Variants in PDCD1LG2 observed in about 807,000 individuals in gnomAD.
The protein encoded by PDCD1LG2 is programmed cell death 1 ligand 2.
PDCD1LG2 carries 32 observed loss-of-function variants against 28.2 expected under a neutral mutation model. The observed-to-expected ratio is 1.13, with a 90% confidence interval of 0.86 to 1.52. PDCD1LG2 has a LOEUF of 1.52. Among genes scored for constraint, PDCD1LG2 ranks in the 40% most tolerant of loss-of-function variants. PDCD1LG2 has a pLI of 0.00. For missense variants in PDCD1LG2, 385 were observed against 323.8 expected (o/e 1.19, Z -1.45); for synonymous variants, 116 against 120.2 (o/e 0.97, Z 0.23).
chr9:5,528,303 TA>T (rs1337066184), intron 2 of PDCD1LG2, among the ~76,000 whole-genome samples: 7 of 149,344 alleles, frequency 4.7e-5, no homozygotes, highest in Non-Finnish European at 8.9e-5. Context: ...CACACACACA[TA>T]TTTTTTTCTT....
In PDCD1LG2 at chr9:5,525,739, G is replaced by T. The variant is rs139826585; in HGVS notation, c.55+3138G>T. On this transcript the variant is annotated intron_variant, in intron 2 of 6. Coordinates refer to ENST00000397747, the MANE Select transcript of PDCD1LG2 (RefSeq NM_025239.4). ...ATTGCTTAAGCATACCTTATATATA[G>T]AAGATAAAGCTTAAAAAGTAAAGAA... 2.8e-4 allele frequency among the ~76,000 whole-genome samples: 42 copies of T among 152,052 alleles called. 1 individual carries two copies. Among genetic ancestry groups the T allele is most frequent in the Admixed American group, 2.2e-3 (34 of 15,278 alleles).
rs770505980 is a variant in PDCD1LG2, at chr9:5,549,591, C to T, written c.618C>T (p.Ser206=). The part of the protein sequence containing the change: ...NTHVRELTLA[S]IDLQSQMEPR... ...ACGTGAGGGAACTTACTTTGGCCAG[C>T]ATTGACCTTCAAAGTAAGAGCTGCC... The change falls in exon 4 of 7, where the codon AGC becomes AGT. Residue 206 remains serine, a synonymous_variant. Coordinates refer to ENST00000397747, the MANE Select transcript of PDCD1LG2 (RefSeq NM_025239.4). 28 of 1,614,076 alleles carry T rather than the reference C, an allele frequency of 1.7e-5. No individual in the cohort carries two copies. The highest frequency in any genetic ancestry group is 1.6e-4 in the Middle Eastern group (1 of 6,084).
At chr9:5,555,235 G>A (rs1419023616) in intron 4 of PDCD1LG2, among the ~76,000 whole-genome samples, 1 of 152,078 alleles carries the variant, frequency 6.6e-6, no homozygotes, top group Non-Finnish European at 1.5e-5. Flanking sequence ...GGCTAACATG[G>A]TGAAACCCCG....
intron 4 of PDCD1LG2, among the ~76,000 whole-genome samples, chr9:5,555,531 G>C (rs916117845): frequency 1.3e-5 from 2 of 152,174 alleles, no homozygotes; most frequent in African/African-American, 4.8e-5. Context: ...ATAATGAAGA[G>C]ACCTCGAAAT....
chr9:5,522,498 C>A (rs775245304), intron 1 of PDCD1LG2, 35 bp from the exon 2 acceptor site: 3 of 1,546,866 alleles, frequency 1.9e-6, no homozygotes, highest in South Asian at 2.3e-5. Flanking sequence ...AGCAAAGTTT[C>A]ACAAGGCCCT....
At chr9:5,545,910 T>C (rs775417756) in intron 3 of PDCD1LG2, among the ~76,000 whole-genome samples, 1 of 152,210 alleles carries the variant, frequency 6.6e-6, no homozygotes, top group Non-Finnish European at 1.5e-5. Context: ...ATAAGTCAGA[T>C]GACTTGAATT....
chr9:5,535,804 G>A (rs1298803105), intron 3 of PDCD1LG2, among the ~76,000 whole-genome samples: 2 of 152,102 alleles, frequency 1.3e-5, no homozygotes, highest in Non-Finnish European at 2.9e-5. Context: ...TGGATTCAGG[G>A]ATCTCTCCAC....
intron 4 of PDCD1LG2, among the ~76,000 whole-genome samples, chr9:5,553,368 C>T (rs1175509276): frequency 6.6e-6 from 1 of 152,094 alleles, no homozygotes; most frequent in African/African-American, 2.4e-5. Context: ...CCCACGAGAA[C>T]TTTTTTCCCC....
chr9:5,518,290 T>C (rs1192815608), intron 1 of PDCD1LG2, among the ~76,000 whole-genome samples: 1 of 152,228 alleles, frequency 6.6e-6, no homozygotes, highest in Non-Finnish European at 1.5e-5. Context: ...AGGAAGCTGC[T>C]GGTTGGAAAG....
chr9:5,527,429 G>T (rs189080799), intron 2 of PDCD1LG2, among the ~76,000 whole-genome samples: 1 of 152,082 alleles, frequency 6.6e-6, no homozygotes. Flanking sequence ...TTTGTATCTG[G>T]CTTCTTTCAC....
At chr9:5,563,298 A>G (rs532740284) in intron 6 of PDCD1LG2, 87 bp downstream of exon 6, 16 of 1,151,218 alleles carry the variant, frequency 1.4e-5, no homozygotes, top group Non-Finnish European at 1.9e-5. Flanking sequence ...CTATTAATTC[A>G]TGGAAGGCAA....
At chr9:5,539,987 G>GTA (rs111579428) in intron 3 of PDCD1LG2, among the ~76,000 whole-genome samples, 13 of 152,212 alleles carry the variant, frequency 8.5e-5, no homozygotes, top group African/African-American at 2.4e-4. Flanking sequence ...AGACTATATA[G>GTA]TAGGCCACAA....
At chr9:5,560,528 T>C (rs567942825) in intron 5 of PDCD1LG2, among the ~76,000 whole-genome samples, 1 of 152,174 alleles carries the variant, frequency 6.6e-6, no homozygotes, top group Admixed American at 6.5e-5. Flanking sequence ...TGCTCTGTCA[T>C]TGGTCCCAAA....
At chr9:5,527,319 C>G (rs1820399179) in intron 2 of PDCD1LG2, among the ~76,000 whole-genome samples, 1 of 152,202 alleles carries the variant, frequency 6.6e-6, no homozygotes, top group South Asian at 2.1e-4. Flanking sequence ...AAAAGCTTCA[C>G]CCAAGTCTTA....
chr9:5,531,588 G>T (rs1213783699), intron 2 of PDCD1LG2, among the ~76,000 whole-genome samples: 1 of 152,162 alleles, frequency 6.6e-6, no homozygotes, highest in Non-Finnish European at 1.5e-5. Context: ...GGAAGAAAAT[G>T]GACTTTTATC....
chr9:5,554,507 G>A (rs368156152), intron 4 of PDCD1LG2, among the ~76,000 whole-genome samples: 20 of 152,274 alleles, frequency 1.3e-4, no homozygotes, highest in Middle Eastern at 3.4e-3. Flanking sequence ...AAGCTTCTCC[G>A]GAAGTCAATG....
chr9:5,559,658 T>C (rs904286236), intron 5 of PDCD1LG2, among the ~76,000 whole-genome samples: 6 of 152,198 alleles, frequency 3.9e-5, no homozygotes, highest in African/African-American at 1.2e-4. Flanking sequence ...TACAGAGAAA[T>C]CTTCCTAACT....
intron 2 of PDCD1LG2, among the ~76,000 whole-genome samples, chr9:5,530,505 A>G (rs562742339): frequency 6.6e-6 from 1 of 151,920 alleles, no homozygotes; most frequent in Non-Finnish European, 1.5e-5. Context: ...TCATGGATGT[A>G]GTGTACACAT....
intron 6 of PDCD1LG2, among the ~76,000 whole-genome samples, chr9:5,566,819 T>C (rs1489512779): frequency 6.6e-6 from 1 of 152,164 alleles, no homozygotes; most frequent in Non-Finnish European, 1.5e-5. Context: ...AAATACTTTC[T>C]ATATAATAAA....
Sources: allele counts gnomAD v4.1 joint callset (sites outside exome capture counted in the v4.1 genomes callset), GRCh38; gene constraint gnomAD v4.1.1; transcripts MANE v1.5; gene names NCBI Gene and HGNC (gene_info 2026-07-23, HGNC 2026-07-21).